F8: variants seen among roughly 807,000 people sequenced by gnomAD.
The protein encoded by F8 is antihemophilic factor.
A neutral mutation model predicts 140.6 loss-of-function variants in F8; 12 were observed. That is an observed-to-expected ratio of 0.09 (90% confidence interval 0.05 to 0.14). The LOEUF (loss-of-function observed/expected upper bound fraction) is 0.14. F8 is among the 10% of genes least tolerant of loss of function. The probability of loss-of-function intolerance (pLI) is 1.00; values close to 1 mark genes in which losing one functional copy is unlikely to be tolerated. For missense variants in F8, 1,354 were observed against 1,720.7 expected, an observed-to-expected ratio of 0.79 and a Z score of 3.77; for synonymous variants, 585 against 614.6, an observed-to-expected ratio of 0.95 and a Z score of 0.71.
intron 22 of F8, among the ~76,000 whole-genome samples, chrX:154,864,290 C>T (rs1490731884): frequency 1.8e-5 from 2 of 112,482 alleles, no homozygotes; most frequent in African/African-American, 6.5e-5. Flanking sequence ...CACTCAAGGA[C>T]CCAGTGAGAG....
chrX:154,853,517 T>C (rs1479164117), intron 25 of F8, among the ~76,000 whole-genome samples: 2 of 112,043 alleles, frequency 1.8e-5, no homozygotes, highest in African/African-American at 6.5e-5. Flanking sequence ...TCTGTGATCT[T>C]ATAATTTTAA....
rs1557280942 is a variant in F8, at chrX:154,953,941, A to C, written c.1854T>G (p.Ala618=). The C allele has an allele frequency of 8.3e-7, 1 of 1,210,196 alleles. No homozygotes were observed. The highest frequency in any genetic ancestry group is 1.1e-6 in the Non-Finnish European group (1 of 895,294). ...ENIQRFLPNP[A]GVQLEDPEFQ... ...ACTCTGGATCCTCAAGCTGCACTCCAGCTGGATTGGGGAGAAAGCGTTGTA... is the reference window on the plus strand; with the variant it reads ...ACTCTGGATCCTCAAGCTGCACTCCCGCTGGATTGGGGAGAAAGCGTTGTA... Residue 618 remains alanine (A), a synonymous_variant, in exon 12 of 26, where the codon GCT becomes GCG. Transcript: ENST00000360256.
intron 22 of F8, among the ~76,000 whole-genome samples, chrX:154,891,300 AAT>A (rs1378351516): frequency 8.8e-6 from 1 of 113,397 alleles, no homozygotes; most frequent in Non-Finnish European, 1.9e-5. Flanking sequence ...ACAAAAGAGA[AAT>A]GTGACCATGT....
chrX:154,977,732 G>A (rs1245955710), intron 6 of F8, among the ~76,000 whole-genome samples: 3 of 109,671 alleles, frequency 2.7e-5, no homozygotes, highest in South Asian at 3.9e-4. Flanking sequence ...AATGTGCCCT[G>A]GAGAAGACCT....
Position 154,863,124 on chromosome X carries a change from C to T in F8, c.6533G>A (p.Arg2178His), listed in dbSNP as rs137852465. 9.9e-6 allele frequency: 12 copies of T among 1,210,698 alleles called. No individual in the cohort carries two copies. The highest frequency in any genetic ancestry group is 1.7e-5 in the African/African-American group (1 of 57,672). ...IRLHPTHYSI[R>H]STLRMELMGC... ...CATCAACTCCATGCGAAGAGTGCTG[C>T]GAATGCTATAATGAGTTGGGTGCAA... Residue 2178 changes from arginine to histidine, a missense_variant, in exon 23 of 26, where the codon CGC (arginine) becomes CAC (histidine). By Grantham distance (29) the Arg-to-His change is conservative. This residue lies in a region of F8 where 316 missense variants were observed against 485.4 expected (regional missense o/e 0.65). Transcript: ENST00000360256.
At chrX:154,854,321 A>G (rs1020789741) in intron 25 of F8, among the ~76,000 whole-genome samples, 3 of 112,609 alleles carry the variant, frequency 2.7e-5, no homozygotes, top group African/African-American at 9.7e-5. Context: ...GGTAGAACTT[A>G]TCCAATCAGT....
rs188813691 is a variant in F8 at position 154,984,667 on chromosome X, T to C, written c.787+20A>G. 5.5e-5 allele frequency: 62 copies of C among 1,124,071 alleles called. No homozygotes were observed. The Middle Eastern group carries it at 7.2e-4, about 13-fold the overall frequency. 92.6% of individuals were successfully genotyped at this position (1,124,071 alleles called of 1,213,427 possible). On this transcript the variant is annotated intron_variant, in intron 6 of 25. Coordinates refer to ENST00000360256, the MANE Select transcript of F8 (RefSeq NM_000132.4). Reference sequence around the variant, plus strand: ...TGAATTTGGAAGACCCTGAGGATTGTTGAGCAGGTGTGTACATACCTGGCA... The same window carrying C: ...TGAATTTGGAAGACCCTGAGGATTGCTGAGCAGGTGTGTACATACCTGGCA...
At position 154,899,731 on chromosome X, in the gene F8, C is replaced by A. The variant is rs1603432855; in HGVS notation, c.6273+135G>T. On this transcript the variant is annotated intron_variant, in intron 21 of 25. Transcript: ENST00000360256. ...CCCCATATCTCTTTGTTCATGACTG[C>A]TTTTGTACAAATCATTAAGGCATTC... is the stretch of plus-strand genomic sequence containing the variant. The A allele has an allele frequency of 5.1e-6, 3 of 590,300 alleles. No homozygotes were observed. In the East Asian group the frequency reaches 1.1e-4, roughly 21 times the overall value. 48.6% of individuals were successfully genotyped at this position (590,300 alleles called of 1,213,427 possible). A position where few individuals can be genotyped will look rare whatever the true frequency, so the allele number is the denominator to read the frequency against.
At chrX:154,903,644 A>T (rs190447949) in intron 18 of F8, among the ~76,000 whole-genome samples, 1 of 112,285 alleles carries the variant, frequency 8.9e-6, no homozygotes, top group Admixed American at 9.4e-5. Context: ...AAAGGAATAA[A>T]TTCCTTTTCC....
At chrX:154,851,624 C>G (rs2072616223) in intron 25 of F8, among the ~76,000 whole-genome samples, 1 of 110,812 alleles carries the variant, frequency 9.0e-6, no homozygotes, top group African/African-American at 3.3e-5. Flanking sequence ...AATGCTATCT[C>G]ATTGTGGTTT....
At chrX:155,019,818 C>T (rs988566170) in intron 1 of F8, among the ~76,000 whole-genome samples, 4 of 110,839 alleles carry the variant, frequency 3.6e-5, no homozygotes, top group Non-Finnish European at 7.6e-5. Flanking sequence ...TGAAAATACA[C>T]AAACCAATAG....
chrX:154,878,428 C>CAAAAAAAAAAA (rs57418004), intron 22 of F8, among the ~76,000 whole-genome samples: 1 of 26,736 alleles, frequency 3.7e-5, no homozygotes, highest in Non-Finnish European at 6.8e-5. Flanking sequence ...TTTTCATGAC[C>CAAAAAAAAAAA]AAAAAAAAAA....
At chrX:154,847,362 A>G (rs1339175256) in intron 25 of F8, among the ~76,000 whole-genome samples, 9 of 111,723 alleles carry the variant, frequency 8.1e-5, no homozygotes, top group African/African-American at 2.9e-4. Flanking sequence ...TCTCCTGGAT[A>G]ATATCCTGCA....
intron 11 of F8, 53 bp from the exon 12 acceptor site, chrX:154,954,095 G>A (rs2073351840): frequency 1.8e-6 from 2 of 1,125,818 alleles, no homozygotes; most frequent in South Asian, 1.8e-5. Flanking sequence ...ATGTTGTCAG[G>A]TAGGAGCTAG....
chrX:154,946,144 T>C (rs1557280271), intron 13 of F8, among the ~76,000 whole-genome samples: 2 of 112,051 alleles, frequency 1.8e-5, no homozygotes, highest in Non-Finnish European at 3.8e-5. Context: ...AAACTAATAT[T>C]GTTAAAATAT....
chrX:154,946,220 A>G (rs2073303550), intron 13 of F8, among the ~76,000 whole-genome samples: 1 of 112,323 alleles, frequency 8.9e-6, no homozygotes, highest in Non-Finnish European at 1.9e-5. Flanking sequence ...GAAATAGAAA[A>G]AAGAATCTTA....
At chrX:155,022,300 G>A in intron 1 of F8, 110 bp downstream of exon 1, 1 of 811,842 alleles carries the variant, frequency 1.2e-6, no homozygotes, top group South Asian at 2.1e-5. Flanking sequence ...GTTTCTTTGG[G>A]GCCCAGGTAG....
rs1216331452 is a variant in F8, at chrX:154,871,831, G to A, written c.6430-8604C>T. Among the ~76,000 whole-genome samples the A allele has an allele frequency of 2.7e-5, 3 of 111,424 alleles. No individual in the cohort carries two copies. The East Asian group carries it at 8.4e-4, about 31-fold the overall frequency. ...AGGGCTAATATCCAGAATCTACAAAGAACTTAAACAAATTTACAAGAAAAA... is the reference window on the plus strand; with the variant it reads ...AGGGCTAATATCCAGAATCTACAAAAAACTTAAACAAATTTACAAGAAAAA... On this transcript the variant is annotated intron_variant, in intron 22 of 25. Transcript: ENST00000360256.
At chrX:154,935,459 C>A (rs928342527) in intron 13 of F8, among the ~76,000 whole-genome samples, 1 of 111,129 alleles carries the variant, frequency 9.0e-6, no homozygotes, top group Non-Finnish European at 1.9e-5. Context: ...CAAATGGTGC[C>A]GGGACAACTG....
Sources: gnomAD v4.1 joint callset for allele counts (sites outside exome capture counted in the v4.1 genomes callset) on GRCh38, gnomAD v4.1.1 for gene constraint, gnomAD v4.1.1 regional missense constraint, MANE v1.5 for transcripts, NCBI Gene and HGNC (gene_info 2026-07-23, HGNC 2026-07-21) for gene names.